The following HDAC5 variants were observed in gnomAD, a reference collection of about 807,000 sequenced individuals.
The protein encoded by HDAC5 is histone deacetylase 5.
HDAC5 carries 25 observed loss-of-function variants against 133.3 expected under a neutral mutation model. The ratio of observed to expected loss-of-function variants is 0.19; its 90% CI spans 0.14 to 0.26. HDAC5 has a LOEUF of 0.26. HDAC5 is among the 10% of genes least tolerant of loss of function. The pLI, the probability that HDAC5 is intolerant of heterozygous loss-of-function variation, is 1.00. For missense variants in HDAC5, 1,041 were observed against 1,460.5 expected (o/e 0.71, Z 4.68); for synonymous variants, 589 against 610.8 (o/e 0.96, Z 0.53).
At chr17:44,091,609 G>A (rs2050954344) in intron 10 of HDAC5, 91 bp downstream of exon 10, 2 of 1,495,792 alleles carry the variant, frequency 1.3e-6, no homozygotes, top group Non-Finnish European at 1.8e-6. Context: ...ATCTCCCTTA[G>A]GGCCTTGGAA....
chr17:44,086,777 C>A, intron 13 of HDAC5, 40 bp from the exon 14 acceptor site: 1 of 1,272,066 alleles, frequency 7.9e-7, no homozygotes, highest in Non-Finnish European at 1.0e-6. Flanking sequence ...TCAGACTCAG[C>A]CAGGACAGGG....
intron 1 of HDAC5, among the ~76,000 whole-genome samples, chr17:44,118,540 T>G (rs2052790575): frequency 6.6e-6 from 1 of 152,042 alleles, no homozygotes; most frequent in Non-Finnish European, 1.5e-5. Flanking sequence ...CTGAGGCCAG[T>G]ATAGTAAAGG....
chr17:44,098,322 T>C (rs1190714262), intron 3 of HDAC5, among the ~76,000 whole-genome samples: 3 of 152,062 alleles, frequency 2.0e-5, no homozygotes, highest in Admixed American at 1.3e-4. Flanking sequence ...GGTTGTGTCA[T>C]GATAGGAAGA....
Position 44,078,249 on chromosome 17 carries a change from A to G in HDAC5, c.*127T>C. 1.0e-6 allele frequency: 1 copy of G among 983,804 alleles called. No homozygotes were observed. Among genetic ancestry groups the G allele is most frequent in the African/African-American group, 1.6e-5 (1 of 60,742 alleles). 60.9% of individuals were successfully genotyped at this position (983,804 alleles called of 1,614,324 possible). Reference sequence around the variant, plus strand: ...GGGCTGGGGGCCTGAGGCAGCGTAGAGGAGCAGGAGGGGCAAGGCTGAGAG... The same window carrying G: ...GGGCTGGGGGCCTGAGGCAGCGTAGGGGAGCAGGAGGGGCAAGGCTGAGAG... On this transcript the variant is annotated 3_prime_UTR_variant, in exon 27 of 27. Coordinates refer to ENST00000682912, the MANE Select transcript of HDAC5 (RefSeq NM_005474.5).
chr17:44,093,492 G>A lies in HDAC5; in HGVS notation c.355-7C>T. Reference sequence around the variant, plus strand: ...CCAGCATCTCCTGCTGCTGCTGCAGGGGCATGGGAACGGAGGCACAAGTGA... The same window carrying A: ...CCAGCATCTCCTGCTGCTGCTGCAGAGGCATGGGAACGGAGGCACAAGTGA... On this transcript the variant is annotated splice_polypyrimidine_tract_variant and splice_region_variant and intron_variant, in intron 4 of 26. Coordinates refer to ENST00000682912, the MANE Select transcript of HDAC5 (RefSeq NM_005474.5). The A allele has an allele frequency of 6.2e-7, 1 of 1,605,328 alleles. No homozygotes were observed.
chr17:44,084,363 C>T (rs115476892), intron 16 of HDAC5, among the ~76,000 whole-genome samples, 192 bp downstream of exon 16: 145 of 152,308 alleles, frequency 9.5e-4, no homozygotes, highest in African/African-American at 3.2e-3. Context: ...TCCTGCACCG[C>T]GCCCCACAGC....
At position 44,093,822 on chromosome 17, in the gene HDAC5, G is replaced by A. The variant is rs1410321832; in HGVS notation, c.107C>T (p.Pro36Leu). The A allele has an allele frequency of 2.6e-6, 4 of 1,511,448 alleles. No individual in the cohort carries two copies. Among genetic ancestry groups the A allele is most frequent in the East Asian group, 2.3e-5 (1 of 43,590 alleles). The allele number at this position is 1,511,448 out of a possible 1,614,324, so 93.6% of individuals were successfully genotyped here. Residue 36 changes from proline to leucine, a missense_variant, in exon 4 of 27, where the codon CCG (proline) becomes CTG (leucine). Pro to Leu is a moderately conservative substitution (Grantham distance 98, BLOSUM62 -3). Transcript: ENST00000682912. ...HSIPVTVEVK[P>L]VLPRAMPSSM... ...ACTGGGCATGGCTCTTGGCAGCACC[G>A]GCTTCACCTCCACTGTGGGCAGAAG...
intron 3 of HDAC5, among the ~76,000 whole-genome samples, chr17:44,094,756 A>G (rs1020997591): frequency 1.1e-4 from 16 of 149,430 alleles, no homozygotes; most frequent in Middle Eastern, 3.4e-3. Context: ...ATGTGTGTGT[A>G]TATATATATA....
chr17:44,119,072 G>A (rs1452562835), intron 1 of HDAC5, among the ~76,000 whole-genome samples: 1 of 152,222 alleles, frequency 6.6e-6, no homozygotes, highest in Non-Finnish European at 1.5e-5. Context: ...CTGGAGAAAG[G>A]TGCACTCAGA....
chr17:44,078,735 T>G, intron 25 of HDAC5, 60 bp downstream of exon 25: 1 of 1,610,710 alleles, frequency 6.2e-7, no homozygotes, highest in South Asian at 1.1e-5. Context: ...CCAGTCCTGG[T>G]GCTCCCACAA....
rs771211706 is a variant in HDAC5 at position 44,080,748 on chromosome 17, G to A, written c.2727+15C>T. The A allele has an allele frequency of 2.0e-5, 33 of 1,614,022 alleles. No homozygotes were observed. Among genetic ancestry groups the A allele is most frequent in the South Asian group, 1.1e-4 (10 of 91,082 alleles). ...AGGGGCCAGGAGGGTCTGCATTTACGCCCAGGAGCTGTACCTCTTCAGGAG... is the reference window on the plus strand; with the variant it reads ...AGGGGCCAGGAGGGTCTGCATTTACACCCAGGAGCTGTACCTCTTCAGGAG... On this transcript the variant is annotated intron_variant, in intron 21 of 26. Transcript: ENST00000682912.
At position 44,117,087 on chromosome 17, in the gene HDAC5, G is replaced by A. The variant is rs1048292740; in HGVS notation, c.22+407C>T. On this transcript the variant is annotated intron_variant, in intron 2 of 26. Coordinates refer to ENST00000682912, the MANE Select transcript of HDAC5 (RefSeq NM_005474.5). The surrounding 1 kb of genome is among the most constrained non-coding windows in gnomAD (Gnocchi z 4.2). ...CACAAACATTCCACTAAGTAAAGAA[G>A]CCACCATCACGAAAAGGAAGCTGAG... Among the ~76,000 whole-genome samples the A allele has an allele frequency of 2.6e-5, 4 of 152,178 alleles. No homozygotes were observed. The highest frequency in any genetic ancestry group is 4.4e-5 in the Non-Finnish European group (3 of 68,040).
intron 3 of HDAC5, among the ~76,000 whole-genome samples, chr17:44,096,942 G>A (rs1484049519): frequency 3.5e-5 from 5 of 144,734 alleles, no homozygotes; most frequent in African/African-American, 7.7e-5. Context: ...GGCTGGTCTC[G>A]AACTCCTGAC....
intron 16 of HDAC5, among the ~76,000 whole-genome samples, chr17:44,084,208 C>G (rs1395983479): frequency 6.6e-6 from 1 of 152,060 alleles, no homozygotes; most frequent in African/African-American, 2.4e-5. Flanking sequence ...CAAGACAGGC[C>G]TCTGCAGCCC....
At chr17:44,091,124 T>A in intron 11 of HDAC5, 146 bp downstream of exon 11, 1 of 711,986 alleles carries the variant, frequency 1.4e-6, no homozygotes, top group South Asian at 1.6e-5. Flanking sequence ...CCTGGCATCC[T>A]GTAGGTATCC....
intron 19 of HDAC5, 43 bp from the exon 20 acceptor site, chr17:44,082,715 C>T (rs372426132): frequency 7.1e-5 from 114 of 1,611,058 alleles, no homozygotes; most frequent in Middle Eastern, 3.3e-4. Context: ...CTCAGCATGA[C>T]GTTTGCAAGA....
Position 44,093,719 on chromosome 17 carries a change from T to C in HDAC5, c.210A>G (p.Thr70=), listed in dbSNP as rs1376440742. The C allele has an allele frequency of 1.9e-6, 3 of 1,605,850 alleles. No homozygotes were observed. The highest frequency in any genetic ancestry group is 2.2e-5 in the East Asian group (1 of 44,688). Residue 70 remains threonine, a synonymous_variant, in exon 4 of 27, where the codon ACA becomes ACG. Coordinates refer to ENST00000682912, the MANE Select transcript of HDAC5 (RefSeq NM_005474.5). The stretch of plus-strand genomic sequence containing the variant: ...CCTGCTGCAGTTGCTGCTCCCGCAG[T>C]GTGGGGTCCACAGAGCCCACCAGAG... ...RGALVGSVDP[T]LREQQLQQEL...
Position 44,123,613 on chromosome 17 carries a change from C to G in HDAC5, c.-299G>C, listed in dbSNP as rs1031804761. On this transcript the variant is annotated 5_prime_UTR_variant, in exon 1 of 27. Transcript: ENST00000682912. Reference sequence around the variant, plus strand: ...TCCATCTTTGCGGCGGCTCCTCCGGCTCCGCTCGCCGCCGCCACCAACAAC... The same window carrying G: ...TCCATCTTTGCGGCGGCTCCTCCGGGTCCGCTCGCCGCCGCCACCAACAAC... The G allele has an allele frequency of 8.6e-5, 34 of 396,800 alleles. No homozygotes were observed. Among genetic ancestry groups the G allele is most frequent in the Non-Finnish European group, 1.3e-4 (30 of 224,980 alleles). 24.6% of individuals were successfully genotyped at this position (396,800 alleles called of 1,614,324 possible). A position where few individuals can be genotyped will look rare whatever the true frequency, so the allele number is the denominator to read the frequency against.
chr17:44,093,276 G>A, intron 5 of HDAC5, 38 bp downstream of exon 5: 1 of 1,583,436 alleles, frequency 6.3e-7, no homozygotes, highest in Admixed American at 1.7e-5. Flanking sequence ...AGGCATCACG[G>A]GCGGGGCCCT....
Sources: gnomAD v4.1 joint callset for allele counts (sites outside exome capture counted in the v4.1 genomes callset) on GRCh38, gnomAD v4.1.1 for gene constraint, Gnocchi (gnomAD v3.1) non-coding constraint, MANE v1.5 for transcripts, NCBI Gene and HGNC (gene_info 2026-07-23, HGNC 2026-07-21) for gene names.